SGCZ: variants seen among roughly 807,000 people sequenced by gnomAD.
The protein encoded by SGCZ is sarcoglycan zeta, also known as zeta-sarcoglycan.
In SGCZ, 40 loss-of-function variants were observed where a neutral mutation model predicts 41.3. That is an observed-to-expected ratio of 0.97 (90% CI 0.75 to 1.26). The LOEUF (loss-of-function observed/expected upper bound fraction) is 1.26, where lower values mean the gene tolerates loss of function less well. Among genes scored for constraint, SGCZ ranks in the 50% most tolerant of loss-of-function variants. The pLI is 0.00. For synonymous variants in SGCZ, 206 were observed against 137.5 expected, an observed-to-expected ratio of 1.50 and a Z score of -3.49; for missense variants, 552 against 369.8, an observed-to-expected ratio of 1.49 and a Z score of -4.04.
At chr8:15,127,813 C>T (rs1012644873) in intron 1 of SGCZ, among the ~76,000 whole-genome samples, 5 of 151,924 alleles carry the variant, frequency 3.3e-5, no homozygotes, top group African/African-American at 1.2e-4. Flanking sequence ...AAAGAAATTC[C>T]AAAGGAGAGA....
chr8:14,342,357 C>T (rs1185336392), intron 2 of SGCZ, among the ~76,000 whole-genome samples: 1 of 152,130 alleles, frequency 6.6e-6, no homozygotes, highest in Admixed American at 6.6e-5. Context: ...CACTCTGTCG[C>T]CCAGGCTGGA....
chr8:15,058,026 T>C (rs1804779762), intron 1 of SGCZ, among the ~76,000 whole-genome samples: 1 of 152,116 alleles, frequency 6.6e-6, no homozygotes, highest in Non-Finnish European at 1.5e-5. Context: ...CAAGGAGTCA[T>C]TAAAACAGTG....
chr8:15,150,698 G>A (rs1799154734), intron 1 of SGCZ, among the ~76,000 whole-genome samples: 1 of 152,142 alleles, frequency 6.6e-6, no homozygotes, highest in African/African-American at 2.4e-5. Context: ...CAAAGAAGCT[G>A]ACTTTTTATT....
chr8:14,222,602 A>T (rs1466559628), intron 4 of SGCZ, among the ~76,000 whole-genome samples: 1 of 152,104 alleles, frequency 6.6e-6, no homozygotes, highest in African/African-American at 2.4e-5. Flanking sequence ...GAAGATCAGA[A>T]AACTCTTCTA....
In SGCZ at chr8:14,099,947, T is replaced by C. The variant is rs573894741; in HGVS notation, c.744+2429A>G. Among the ~76,000 whole-genome samples the C allele has an allele frequency of 1.5e-3, 86 of 57,796 alleles. 1 individual carries two copies. Among genetic ancestry groups the C allele is most frequent in the African/African-American group, 3.2e-3 (82 of 25,652 alleles). The allele number at this position is 57,796 out of a possible 152,430, so 37.9% of individuals were successfully genotyped here. ...TACAATTTCATTCTTCTACATTTCA[T>C]CCATCATTTCATCCATCATTTTAGA... On this transcript the variant is annotated intron_variant, in intron 7 of 7. Transcript: ENST00000382080.
At chr8:14,251,009 C>T (rs1411540574) in intron 3 of SGCZ, among the ~76,000 whole-genome samples, 2 of 152,114 alleles carry the variant, frequency 1.3e-5, no homozygotes, top group Non-Finnish European at 2.9e-5. Flanking sequence ...GGAGGGATCA[C>T]CTGAGGTCAG....
At chr8:14,580,924 T>G (rs1804867978) in intron 1 of SGCZ, among the ~76,000 whole-genome samples, 1 of 152,186 alleles carries the variant, frequency 6.6e-6, no homozygotes, top group South Asian at 2.1e-4. Context: ...TCACAACCCT[T>G]TCTCTCTTTC....
intron 2 of SGCZ, among the ~76,000 whole-genome samples, chr8:14,336,184 G>A (rs1177984888): frequency 1.3e-5 from 2 of 152,060 alleles, no homozygotes; most frequent in Non-Finnish European, 2.9e-5. Flanking sequence ...TTCTGCTTCT[G>A]TGTTAATTTG....
At chr8:15,080,169 C>A (rs986571915) in intron 1 of SGCZ, among the ~76,000 whole-genome samples, 11 of 152,078 alleles carry the variant, frequency 7.2e-5, no homozygotes, top group African/African-American at 2.4e-4. Context: ...TGACTTCTGG[C>A]CTTGTTCCAG....
At chr8:14,209,984 AAACT>A (rs1414653786) in intron 4 of SGCZ, among the ~76,000 whole-genome samples, 1 of 122,062 alleles carries the variant, frequency 8.2e-6, no homozygotes, top group Non-Finnish European at 1.6e-5. Flanking sequence ...CTGTGTCTTC[AAACT>A]AACTGTAAAG....
At chr8:15,237,255 C>CCCA (rs1554483257) in intron 1 of SGCZ, among the ~76,000 whole-genome samples, 29 of 152,162 alleles carry the variant, frequency 1.9e-4, no homozygotes, top group African/African-American at 6.3e-4. Flanking sequence ...TGCCGCTGCC[C>CCCA]CCCCCGGGGA....
Position 14,109,522 on chromosome 8 carries a change from G to C in SGCZ, c.548-1287C>G, listed in dbSNP as rs1287681933. Among the ~76,000 whole-genome samples, 3 of 152,020 alleles carry C rather than the reference G, an allele frequency of 2.0e-5. No individual in the cohort carries two copies. In the East Asian group the frequency reaches 5.8e-4, roughly 29 times the overall value. On this transcript the variant is annotated intron_variant, in intron 5 of 7. Coordinates refer to ENST00000382080, the MANE Select transcript of SGCZ (RefSeq NM_139167.4). Reference sequence around the variant, plus strand: ...GAACCTCATACCTGTTCCATCAGTGGCTTCAACACTAGATAAACTATACAA... The same window carrying C: ...GAACCTCATACCTGTTCCATCAGTGCCTTCAACACTAGATAAACTATACAA...
chr8:14,840,457 T>A (rs980542655), intron 1 of SGCZ, among the ~76,000 whole-genome samples: 1 of 152,082 alleles, frequency 6.6e-6, no homozygotes, highest in Non-Finnish European at 1.5e-5. Context: ...TATATCAACG[T>A]TCCGTGGCCA....
chr8:14,581,081 C>T (rs1804872538), intron 1 of SGCZ, among the ~76,000 whole-genome samples: 1 of 152,058 alleles, frequency 6.6e-6, no homozygotes, highest in Non-Finnish European at 1.5e-5. Flanking sequence ...AAGAGGTTGT[C>T]TCGTACTTTG....
At chr8:14,628,002 T>G (rs999653831) in intron 1 of SGCZ, among the ~76,000 whole-genome samples, 8 of 152,132 alleles carry the variant, frequency 5.3e-5, no homozygotes, top group African/African-American at 1.9e-4. Context: ...CATCACTATG[T>G]CCCAGTTTAT....
intron 4 of SGCZ, among the ~76,000 whole-genome samples, chr8:14,205,565 G>T (rs1433956837): frequency 1.3e-5 from 2 of 152,072 alleles, no homozygotes; most frequent in Non-Finnish European, 2.9e-5. Context: ...GGCTGAAAGA[G>T]AAACTTTTCT....
intron 4 of SGCZ, among the ~76,000 whole-genome samples, chr8:14,205,694 C>A (rs1563184737): frequency 6.6e-6 from 1 of 152,016 alleles, no homozygotes; most frequent in East Asian, 1.9e-4. Flanking sequence ...CAGCTCTGAA[C>A]CAATTTTAAG....
intron 3 of SGCZ, among the ~76,000 whole-genome samples, chr8:14,248,127 T>C (rs182691684): frequency 6.6e-6 from 1 of 152,168 alleles, no homozygotes. Flanking sequence ...TTTTCTAGAA[T>C]TCTAGAATGG....
At chr8:14,933,053 A>G (rs1799963572) in intron 1 of SGCZ, among the ~76,000 whole-genome samples, 1 of 152,034 alleles carries the variant, frequency 6.6e-6, no homozygotes, top group Admixed American at 6.5e-5. Context: ...CTATGACAGC[A>G]GGGAGGGCAG....
Sources: gnomAD v4.1 joint callset for allele counts (sites outside exome capture counted in the v4.1 genomes callset) on GRCh38, gnomAD v4.1.1 for gene constraint, MANE v1.5 for transcripts, NCBI Gene and HGNC (gene_info 2026-07-23, HGNC 2026-07-21) for gene names.